Variants in RBFOX1 observed in about 807,000 individuals in gnomAD.
RBFOX1 encodes the protein RNA binding protein fox-1 homolog 1.
RBFOX1 carries 8 observed loss-of-function variants against 57.7 expected under a neutral mutation model. The ratio of observed to expected loss-of-function variants is 0.14; its 90% CI spans 0.08 to 0.25. The LOEUF (loss-of-function observed/expected upper bound fraction) is 0.25, where lower values mean the gene tolerates loss of function less well. Ranked by LOEUF, RBFOX1 falls within the 10% of genes least tolerant of loss-of-function variation. RBFOX1 has a pLI of 1.00. For missense variants in RBFOX1, 611 were observed against 548.5 expected (o/e 1.11, Z -1.14); for synonymous variants, 326 against 222.4 (o/e 1.47, Z -4.15).
At chr16:5,538,118 G>C (rs2044773331) in intron 2 of RBFOX1, among the ~76,000 whole-genome samples, 1 of 152,180 alleles carries the variant, frequency 6.6e-6, no homozygotes, top group African/African-American at 2.4e-5. Flanking sequence ...ACTCGAGCAG[G>C]AACATTGAGG....
At chr16:5,764,132 A>T (rs565463271) in intron 3 of RBFOX1, among the ~76,000 whole-genome samples, 8 of 144,774 alleles carry the variant, frequency 5.5e-5, no homozygotes, top group African/African-American at 1.7e-4. Context: ...AACCAGGAAG[A>T]TGCTGTGGGG....
intron 4 of RBFOX1, among the ~76,000 whole-genome samples, chr16:5,930,936 G>GGGTA (rs1487100986): frequency 6.9e-6 from 1 of 144,524 alleles, no homozygotes; most frequent in East Asian, 2.1e-4. Context: ...GTGGGAGGAT[G>GGGTA]GGTAGGTGGG....
At chr16:6,008,559 G>A (rs963041143) in intron 4 of RBFOX1, among the ~76,000 whole-genome samples, 1 of 152,128 alleles carries the variant, frequency 6.6e-6, no homozygotes, top group Non-Finnish European at 1.5e-5. Flanking sequence ...TGCGGTTAAG[G>A]TTGAGGAAGA....
At chr16:5,714,446 G>A (rs528110162) in intron 3 of RBFOX1, among the ~76,000 whole-genome samples, 1 of 152,252 alleles carries the variant, frequency 6.6e-6, no homozygotes, top group South Asian at 2.1e-4. Flanking sequence ...GCTGAAGCTC[G>A]AAGAGACCAC....
chr16:7,116,244 C>A (rs2065879446), intron 4 of RBFOX1, among the ~76,000 whole-genome samples: 1 of 152,100 alleles, frequency 6.6e-6, no homozygotes, highest in African/African-American at 2.4e-5. Context: ...AGAGAAAGCC[C>A]ATGCAGTAAA....
At chr16:5,772,328 C>T (rs1319858044) in intron 3 of RBFOX1, among the ~76,000 whole-genome samples, 1 of 151,468 alleles carries the variant, frequency 6.6e-6, no homozygotes, top group Non-Finnish European at 1.5e-5. Flanking sequence ...TACGCCGCCT[C>T]TCCTAACATC....
chr16:7,030,260 C>G (rs945352550), intron 3 of RBFOX1, among the ~76,000 whole-genome samples: 1 of 152,088 alleles, frequency 6.6e-6, no homozygotes, highest in African/African-American at 2.4e-5. Flanking sequence ...AGTGGAGTGC[C>G]TCTGTTTAAT....
At chr16:5,783,827 C>T (rs1377854080) in intron 3 of RBFOX1, among the ~76,000 whole-genome samples, 1 of 152,124 alleles carries the variant, frequency 6.6e-6, no homozygotes, top group Admixed American at 6.5e-5. Context: ...CATATTTTGG[C>T]TCTGTGTCTT....
At chr16:6,874,278 G>A (rs1041674060) in intron 3 of RBFOX1, among the ~76,000 whole-genome samples, 2 of 152,058 alleles carry the variant, frequency 1.3e-5, no homozygotes, top group African/African-American at 4.8e-5. Flanking sequence ...GGGAGGCTGA[G>A]GCAGGTGGAT....
chr16:6,550,935 T>C (rs1165300371), intron 2 of RBFOX1, among the ~76,000 whole-genome samples: 1 of 152,146 alleles, frequency 6.6e-6, no homozygotes, highest in Non-Finnish European at 1.5e-5. Flanking sequence ...TTATCATCAT[T>C]TGGGTCTGGC....
At chr16:7,009,918 A>C (rs1182086302) in intron 3 of RBFOX1, among the ~76,000 whole-genome samples, 3 of 152,210 alleles carry the variant, frequency 2.0e-5, no homozygotes, top group African/African-American at 7.2e-5. Context: ...AATAATTTAT[A>C]AATGGTTCTT....
chr16:7,632,443 AC>A, intron 11 of RBFOX1, among the ~76,000 whole-genome samples: 1 of 152,264 alleles, frequency 6.6e-6, no homozygotes, highest in East Asian at 1.9e-4. Flanking sequence ...TCCTCTCAAA[AC>A]CAGCACCAGG....
intron 2 of RBFOX1, among the ~76,000 whole-genome samples, chr16:6,473,799 A>G (rs1329547323): frequency 6.6e-6 from 1 of 152,126 alleles, no homozygotes; most frequent in East Asian, 1.9e-4. Context: ...GAAGCTGCAG[A>G]TGGGCTAAGT....
At chr16:6,717,655 C>T (rs994448925) in intron 3 of RBFOX1, among the ~76,000 whole-genome samples, 6 of 151,656 alleles carry the variant, frequency 4.0e-5, no homozygotes, top group Non-Finnish European at 7.4e-5. Context: ...TCTGTCAGCT[C>T]AGCAAGTGTC....
rs1241079462 is a variant in RBFOX1 at position 5,836,211 on chromosome 16, G to C, written c.319-31092G>C. 2.6e-5 allele frequency among the ~76,000 whole-genome samples: 4 copies of C among 152,176 alleles called. No homozygotes were observed. In the East Asian group the frequency reaches 7.7e-4, roughly 29 times the overall value. On this transcript the variant is annotated intron_variant, in intron 3 of 19. Transcript: ENST00000641259. ...GGCTCTGCAGCTGGGGGGTGAGGCT[G>C]GGCCCAGGGGAGCCCAACTAGCAGG...
chr16:5,490,758 G>A (rs1394952371), intron 2 of RBFOX1, among the ~76,000 whole-genome samples: 5 of 152,160 alleles, frequency 3.3e-5, no homozygotes, highest in Non-Finnish European at 7.4e-5. Context: ...TGAAGCTGCC[G>A]CGCCCCCTGC....
At chr16:7,177,208 C>T (rs746368108) in intron 4 of RBFOX1, among the ~76,000 whole-genome samples, 4 of 152,160 alleles carry the variant, frequency 2.6e-5, no homozygotes, top group East Asian at 1.9e-4. Context: ...ACAATACAAC[C>T]GCTTCCAATC....
chr16:6,033,289 T>C lies in RBFOX1; in HGVS notation c.-127+13297T>C, dbSNP rs552834659. ...TCGTTTCTAGGCAGGGAATGATGTATGTTACAGGGCATATTTGATGCTTTG... is the reference window on the plus strand; with the variant it reads ...TCGTTTCTAGGCAGGGAATGATGTACGTTACAGGGCATATTTGATGCTTTG... On this transcript the variant is annotated intron_variant, in intron 1 of 15. Transcript: ENST00000550418. Among the ~76,000 whole-genome samples the C allele has an allele frequency of 3.3e-5, 5 of 152,336 alleles. 1 individual carries two copies. The South Asian group carries it at 1.0e-3, about 32-fold the overall frequency.
chr16:5,931,974 A>AT (rs34702331), intron 4 of RBFOX1, among the ~76,000 whole-genome samples: 41,817 of 151,008 alleles, frequency 0.28, 6,717 homozygotes, highest in Middle Eastern at 0.49. Context: ...CTCCTAGCTA[A>AT]TTTTTTTTTG....
Sources: allele counts gnomAD v4.1 joint callset (sites outside exome capture counted in the v4.1 genomes callset), GRCh38; gene constraint gnomAD v4.1.1; transcripts MANE v1.5; gene names NCBI Gene and HGNC (gene_info 2026-07-23, HGNC 2026-07-21).